AP1G1: variants seen among roughly 807,000 people sequenced by gnomAD.
AP1G1 encodes the protein adaptor related protein complex 1 subunit gamma 1, also known as AP-1 complex subunit gamma-1.
In AP1G1, 7 loss-of-function variants were observed where a neutral mutation model predicts 108.3. The ratio of observed to expected loss-of-function variants is 0.06; its 90% CI spans 0.04 to 0.12. The LOEUF is 0.12. Among genes scored for constraint, AP1G1 ranks in the 10% least tolerant of loss-of-function variants. The pLI, the probability that AP1G1 is intolerant of heterozygous loss-of-function variation, is 1.00. For synonymous variants in AP1G1, 379 were observed against 353.5 expected, an observed-to-expected ratio of 1.07 and a Z score of -0.81; for missense variants, 756 against 1,010.7, an observed-to-expected ratio of 0.75 and a Z score of 3.42.
intron 11 of AP1G1, 82 bp from the exon 12 acceptor site, chr16:71,756,241 A>G: frequency 7.7e-7 from 1 of 1,291,578 alleles, no homozygotes; most frequent in East Asian, 2.4e-5. Flanking sequence ...CTCTGTGAAC[A>G]CCAAGTACTG....
At chr16:71,774,324 G>A (rs920761366) in intron 3 of AP1G1, 144 bp downstream of exon 3, 64 of 769,358 alleles carry the variant, frequency 8.3e-5, no homozygotes, top group African/African-American at 7.4e-4. Flanking sequence ...GGGGGAGGAC[G>A]GTGGCAGCGG....
At chr16:71,778,022 T>C (rs1341870968) in intron 2 of AP1G1, among the ~76,000 whole-genome samples, 1 of 152,176 alleles carries the variant, frequency 6.6e-6, no homozygotes, top group Non-Finnish European at 1.5e-5. Flanking sequence ...ATACAAGCTG[T>C]TTTTTGTAAC....
chr16:71,791,547 T>C (rs1048163009), intron 1 of AP1G1, among the ~76,000 whole-genome samples: 4 of 151,680 alleles, frequency 2.6e-5, no homozygotes, highest in African/African-American at 7.3e-5. Context: ...TAGCCAAACA[T>C]AGTGGCACAC....
chr16:71,773,012 T>A, intron 4 of AP1G1: 1 of 670,076 alleles, frequency 1.5e-6, no homozygotes, highest in Non-Finnish European at 2.7e-6. Flanking sequence ...GTATGCCACC[T>A]AGGATATATC....
At chr16:71,788,408 A>T (rs533651930) in intron 2 of AP1G1, among the ~76,000 whole-genome samples, 4 of 152,312 alleles carry the variant, frequency 2.6e-5, no homozygotes, top group African/African-American at 7.2e-5. Context: ...TGCAAAGAAG[A>T]AAGTACTTAT....
At chr16:71,756,637 A>C (rs1037271695) in intron 11 of AP1G1, among the ~76,000 whole-genome samples, 1 of 152,194 alleles carries the variant, frequency 6.6e-6, no homozygotes, top group African/African-American at 2.4e-5. Context: ...TATGCAGAAA[A>C]TTCAAATTAA....
At chr16:71,754,049 G>A (rs1398452898) in intron 12 of AP1G1, among the ~76,000 whole-genome samples, 162 bp from the exon 13 acceptor site, 1 of 152,024 alleles carries the variant, frequency 6.6e-6, no homozygotes, top group African/African-American at 2.4e-5. Flanking sequence ...GACCAGCCTG[G>A]GCAACACGGT....
rs2045476619 is a variant in AP1G1, at chr16:71,731,703, T to G, written c.*1355A>C. On this transcript the variant is annotated 3_prime_UTR_variant, in exon 23 of 23. Transcript: ENST00000299980. ...AAAGCACTTGGCACTCTCACTAGTT[T>G]AAAAAGCTCAAGTCTTTGATGTGAA... 6.6e-6 allele frequency: 1 copy of G among 152,596 alleles called. No homozygotes were observed. The highest frequency in any genetic ancestry group is 2.4e-5 in the African/African-American group (1 of 41,428). 9.5% of individuals were successfully genotyped at this position (152,596 alleles called of 1,614,324 possible).
At chr16:71,768,934 AAAAAAAG>A (rs2031443498) in intron 6 of AP1G1, among the ~76,000 whole-genome samples, 1 of 139,746 alleles carries the variant, frequency 7.2e-6, no homozygotes. Context: ...AAAAAAAAAA[AAAAAAAG>A]AAAAGAAAAG....
At chr16:71,768,017 A>T in intron 6 of AP1G1, 1 of 936,966 alleles carries the variant, frequency 1.1e-6, no homozygotes, top group Non-Finnish European at 1.6e-6. Context: ...AAAAAAAGCC[A>T]AAAAAGAACT....
Position 71,764,688 on chromosome 16 carries a change from A to C in AP1G1, c.777T>G (p.Asn259Lys). Residue 259 changes from asparagine to lysine, a missense_variant, in exon 8 of 23, where the codon AAT becomes AAG. This residue lies in a region of AP1G1 where 304 missense variants were observed against 483.6 expected (regional missense o/e 0.63). Coordinates refer to ENST00000299980, the MANE Select transcript of AP1G1 (RefSeq NM_001128.6). Reference protein sequence around the residue: ...ILRLLRILGRNDDDSSEAMND... With the variant: ...ILRLLRILGRKDDDSSEAMND... ...TCATAGCTTCACTTGAATCATCATCATTTCGTCCTAAAATTCTTAATAACC... is the reference window on the plus strand; with the variant it reads ...TCATAGCTTCACTTGAATCATCATCCTTTCGTCCTAAAATTCTTAATAACC... The C allele has an allele frequency of 1.2e-6, 2 of 1,611,802 alleles. No homozygotes were observed. The highest frequency in any genetic ancestry group is 1.7e-6 in the Non-Finnish European group (2 of 1,179,422).
At chr16:71,799,816 G>T (rs550381154) in intron 1 of AP1G1, among the ~76,000 whole-genome samples, 1 of 151,818 alleles carries the variant, frequency 6.6e-6, no homozygotes, top group East Asian at 1.9e-4. Flanking sequence ...GGAGAATGGC[G>T]TGAACCCAGG....
chr16:71,805,826 G>C (rs1268263304), intron 1 of AP1G1, among the ~76,000 whole-genome samples: 14 of 152,132 alleles, frequency 9.2e-5, no homozygotes, highest in Admixed American at 9.2e-4. Flanking sequence ...CTTGAGCCCA[G>C]CCTGGGCAAC....
chr16:71,753,508 A>G lies in AP1G1; in HGVS notation c.1284+325T>C, dbSNP rs1204381373. 14 of 237,282 alleles carry G rather than the reference A, an allele frequency of 5.9e-5. No homozygotes were observed. The East Asian group carries it at 1.4e-3, about 24-fold the overall frequency. 14.7% of individuals were successfully genotyped at this position (237,282 alleles called of 1,614,324 possible). A position where few individuals can be genotyped will look rare whatever the true frequency, so the allele number is the denominator to read the frequency against. ...TCTTTGCACTTAGGGTTCCCTCCGT[A>G]TGGTACACTATTCCTCACGATCTCT... is the stretch of plus-strand genomic sequence containing the variant. On this transcript the variant is annotated intron_variant, in intron 13 of 22. Coordinates refer to ENST00000299980, the MANE Select transcript of AP1G1 (RefSeq NM_001128.6).
At chr16:71,790,685 GA>G (rs999225100) in intron 1 of AP1G1, among the ~76,000 whole-genome samples, 3 of 151,946 alleles carry the variant, frequency 2.0e-5, no homozygotes, top group Admixed American at 6.6e-5. Flanking sequence ...CTCCATGGGG[GA>G]AAAAAATTAA....
At chr16:71,734,985 TTCAAAAGC>T (rs1384064226) in intron 21 of AP1G1, among the ~76,000 whole-genome samples, 1 of 152,224 alleles carries the variant, frequency 6.6e-6, no homozygotes, top group Non-Finnish European at 1.5e-5. Flanking sequence ...CCTACCTCTT[TTCAAAAGC>T]TGACCAATTC....
chr16:71,752,991 ATAAGT>A (rs1555552517), intron 13 of AP1G1, among the ~76,000 whole-genome samples: 2 of 152,184 alleles, frequency 1.3e-5, no homozygotes, highest in Non-Finnish European at 2.9e-5. Flanking sequence ...ATATGCTGTC[ATAAGT>A]TAATGTTTTC....
chr16:71,792,699 C>A (rs1567662584), intron 1 of AP1G1, among the ~76,000 whole-genome samples: 1 of 151,998 alleles, frequency 6.6e-6, no homozygotes, highest in Non-Finnish European at 1.5e-5. Context: ...ACTAAAGATA[C>A]AAAAAATAGC....
intron 13 of AP1G1, among the ~76,000 whole-genome samples, chr16:71,753,123 C>G (rs1555552548): frequency 6.6e-6 from 1 of 152,108 alleles, no homozygotes; most frequent in Non-Finnish European, 1.5e-5. Flanking sequence ...CTTCTAGTGA[C>G]TTAATTAATG....
Sources: gnomAD v4.1 joint callset for allele counts (sites outside exome capture counted in the v4.1 genomes callset) on GRCh38, gnomAD v4.1.1 for gene constraint, gnomAD v4.1.1 regional missense constraint, MANE v1.5 for transcripts, NCBI Gene and HGNC (gene_info 2026-07-23, HGNC 2026-07-21) for gene names.